Variants in PDE4D observed in about 807,000 individuals in gnomAD.
PDE4D encodes 3',5'-cyclic-AMP phosphodiesterase 4D.
Under a neutral mutation model 87.4 loss-of-function variants are expected in PDE4D, and 24 were observed. The ratio of observed to expected loss-of-function variants is 0.27; its 90% confidence interval spans 0.20 to 0.39. The LOEUF (loss-of-function observed/expected upper bound fraction) is 0.39, where lower values mean the gene tolerates loss of function less well. Among genes scored for constraint, PDE4D ranks in the 10% least tolerant of loss-of-function variants. The pLI, the probability that PDE4D is intolerant of heterozygous loss-of-function variation, is 1.00. For missense variants in PDE4D, 714 were observed against 1,041.0 expected, an observed-to-expected ratio of 0.69 and a Z score of 4.32; for synonymous variants, 384 against 383.2, an observed-to-expected ratio of 1.00 and a Z score of -0.02.
intron 1 of PDE4D, among the ~76,000 whole-genome samples, chr5:59,584,697 T>C (rs559288997): frequency 6.6e-6 from 1 of 152,314 alleles, no homozygotes; most frequent in East Asian, 1.9e-4. Flanking sequence ...ATGGATCCTA[T>C]GTATTACAAC....
intron 1 of PDE4D, among the ~76,000 whole-genome samples, chr5:59,883,933 G>T (rs159611): frequency 0.46 from 69,074 of 151,600 alleles, 16,740 homozygotes; most frequent in Admixed American, 0.53. Context: ...TGCTTTTTTT[G>T]GGGGGGTAAG....
chr5:60,067,840 T>G (rs891392285), intron 2 of PDE4D, among the ~76,000 whole-genome samples: 2 of 152,106 alleles, frequency 1.3e-5, no homozygotes, highest in Admixed American at 1.3e-4. Flanking sequence ...CTATGACTCA[T>G]GTATTTCACT....
chr5:60,276,276 T>C (rs943324309), intron 1 of PDE4D, among the ~76,000 whole-genome samples: 6 of 152,182 alleles, frequency 3.9e-5, no homozygotes, highest in East Asian at 1.9e-4. Context: ...TTCAGTTCCA[T>C]CAGGTTTTGC....
chr5:59,367,591 T>C (rs1353746292), intron 1 of PDE4D, among the ~76,000 whole-genome samples: 1 of 152,216 alleles, frequency 6.6e-6, no homozygotes, highest in Non-Finnish European at 1.5e-5. Context: ...AGATGTCTCA[T>C]AGATATTTTA....
intron 1 of PDE4D, among the ~76,000 whole-genome samples, chr5:60,295,739 C>T (rs1013534868): frequency 6.6e-6 from 1 of 152,190 alleles, no homozygotes; most frequent in African/African-American, 2.4e-5. Flanking sequence ...TTACAGCTAA[C>T]ATCATCAGGC....
chr5:59,067,264 A>C (rs1764091071), intron 5 of PDE4D, among the ~76,000 whole-genome samples: 1 of 151,750 alleles, frequency 6.6e-6, no homozygotes, highest in South Asian at 2.1e-4. Flanking sequence ...TGATCTGCCC[A>C]CCTCGGCCTC....
chr5:59,586,206 C>T, intron 1 of PDE4D: 1 of 712,344 alleles, frequency 1.4e-6, no homozygotes, highest in Non-Finnish European at 2.4e-6. Context: ...CGGTTTTGCA[C>T]AGTTTACTTT....
chr5:59,092,807 T>A (rs74814388), intron 5 of PDE4D, among the ~76,000 whole-genome samples: 1,813 of 152,310 alleles, frequency 0.012, 28 homozygotes, highest in East Asian at 0.044. Flanking sequence ...TGAGCACGCA[T>A]TGAGTTTTAT....
chr5:59,452,468 C>T (rs533872457), intron 1 of PDE4D, among the ~76,000 whole-genome samples: 13 of 152,260 alleles, frequency 8.5e-5, no homozygotes, highest in East Asian at 5.8e-4. Flanking sequence ...AAGCAACTAC[C>T]GCCCCTGGAC....
At chr5:59,826,513 T>G (rs1421299061) in intron 1 of PDE4D, among the ~76,000 whole-genome samples, 1 of 151,948 alleles carries the variant, frequency 6.6e-6, no homozygotes, top group Non-Finnish European at 1.5e-5. Context: ...GAGAACTTTT[T>G]TTTTTTATTA....
intron 1 of PDE4D, among the ~76,000 whole-genome samples, chr5:59,377,532 T>C (rs754692950): frequency 2.3e-4 from 35 of 152,014 alleles, no homozygotes; most frequent in Admixed American, 5.9e-4. Flanking sequence ...GAAAGGAAGC[T>C]GTCAACAGAG....
Position 59,893,370 on chromosome 5 carries a change from G to T in PDE4D, c.253C>A (p.Pro85Thr). The change falls in exon 1 of 15, where the codon CCG becomes ACG. Residue 85 changes from proline to threonine, a missense_variant. Physicochemically the swap from Pro to Thr is conservative, Grantham distance 38 (BLOSUM62 -1). Around this residue, in one of 7 missense-constraint regions of PDE4D, gnomAD observed 268 missense variants for 272.9 expected, o/e 0.98. Coordinates refer to ENST00000340635, the MANE Select transcript of PDE4D (RefSeq NM_001104631.2). ...CCGCGGGCAGCCCCGGGCGGCGGCG[G>T]GGGCGGCGGCAGGGGGGGCGGCGGC... ...PPPPPPLPPP[P>T]PPPGAARGRY... 8.0e-7 allele frequency: 1 copy of T among 1,248,262 alleles called. No homozygotes were observed. The highest frequency in any genetic ancestry group is 1.0e-6 in the Non-Finnish European group (1 of 997,494). 77.3% of individuals were successfully genotyped at this position (1,248,262 alleles called of 1,614,324 possible).
chr5:60,127,129 A>G (rs1779185959), intron 2 of PDE4D, among the ~76,000 whole-genome samples: 1 of 152,150 alleles, frequency 6.6e-6, no homozygotes, highest in Non-Finnish European at 1.5e-5. Context: ...CAGAGAGAAC[A>G]GCATGAGAAA....
At chr5:60,155,690 A>G (rs1363326927) in intron 2 of PDE4D, among the ~76,000 whole-genome samples, 1 of 152,238 alleles carries the variant, frequency 6.6e-6, no homozygotes, top group African/African-American at 2.4e-5. Context: ...AAATTATACG[A>G]TGCTAGTTTA....
chr5:59,083,579 T>C (rs1767152099), intron 5 of PDE4D, among the ~76,000 whole-genome samples: 1 of 146,816 alleles, frequency 6.8e-6, no homozygotes, highest in African/African-American at 2.5e-5. Context: ...TTATCCAATC[T>C]TTATATATAC....
intron 3 of PDE4D, among the ~76,000 whole-genome samples, chr5:59,936,560 C>T (rs543018186): frequency 7.2e-5 from 11 of 152,216 alleles, no homozygotes; most frequent in African/African-American, 2.6e-4. Flanking sequence ...TCTATAGATT[C>T]CTGCCTTCAC....
chr5:59,778,300 C>T (rs553530280), intron 1 of PDE4D, among the ~76,000 whole-genome samples: 2 of 152,328 alleles, frequency 1.3e-5, no homozygotes, highest in Non-Finnish European at 1.5e-5. Flanking sequence ...CAACTCAATA[C>T]CTAGCCTTAT....
intron 1 of PDE4D, among the ~76,000 whole-genome samples, chr5:59,454,584 A>T (rs1799637841): frequency 6.6e-6 from 1 of 152,132 alleles, no homozygotes; most frequent in East Asian, 1.9e-4. Flanking sequence ...ATGAAAACAG[A>T]CTAATAGAGT....
chr5:60,513,196 A>G (rs1457035177), intron 1 of PDE4D, among the ~76,000 whole-genome samples: 1 of 152,168 alleles, frequency 6.6e-6, no homozygotes, highest in East Asian at 1.9e-4. Flanking sequence ...ACAAAGCTAT[A>G]TGTTTCTTAC....
Sources: gnomAD v4.1 joint callset for allele counts (sites outside exome capture counted in the v4.1 genomes callset) on GRCh38, gnomAD v4.1.1 for gene constraint, gnomAD v4.1.1 regional missense constraint, MANE v1.5 for transcripts, NCBI Gene and HGNC (gene_info 2026-07-23, HGNC 2026-07-21) for gene names.